SGTB: variants seen among roughly 807,000 people sequenced by gnomAD.
SGTB encodes small glutamine-rich tetratricopeptide repeat-containing protein beta.
A neutral mutation model predicts 43.9 loss-of-function variants in SGTB; 19 were observed. The ratio of observed to expected loss-of-function variants is 0.43; its 90% CI spans 0.30 to 0.63. SGTB has a LOEUF of 0.63. SGTB is among the 30% of genes least tolerant of loss of function. The pLI is 0.12. For synonymous variants in SGTB, 116 were observed against 117.3 expected, an observed-to-expected ratio of 0.99 and a Z score of 0.07; for missense variants, 304 against 358.9, an observed-to-expected ratio of 0.85 and a Z score of 1.24.
intron 3 of SGTB, among the ~76,000 whole-genome samples, chr5:65,712,543 A>G (rs770577078): frequency 6.6e-6 from 1 of 152,224 alleles, no homozygotes; most frequent in Non-Finnish European, 1.5e-5. Context: ...TGACGATTCA[A>G]TTCCAGAGGA....
chr5:65,695,431 T>C (rs1191336961), intron 5 of SGTB, among the ~76,000 whole-genome samples: 2 of 152,154 alleles, frequency 1.3e-5, no homozygotes, highest in Non-Finnish European at 2.9e-5. Context: ...CGTCTGAGCC[T>C]CAGAGGCCAG....
chr5:65,671,819 T>C, intron 10 of SGTB, 96 bp downstream of exon 10: 2 of 1,108,754 alleles, frequency 1.8e-6, no homozygotes, highest in Non-Finnish European at 2.6e-6. Flanking sequence ...CGGTAAAAGA[T>C]AAACATTTAA....
chr5:65,671,880 A>G (rs1266622070), intron 10 of SGTB, 35 bp downstream of exon 10: 1 of 1,584,830 alleles, frequency 6.3e-7, no homozygotes, highest in East Asian at 2.3e-5. Context: ...AACATAAAAT[A>G]CATCTTCACT....
rs1757036086 is a variant in SGTB, at chr5:65,666,286, CAT to C, written c.*3958_*3959del. The C allele has an allele frequency of 6.6e-6, 1 of 152,220 alleles. No homozygotes were observed. Among genetic ancestry groups the C allele is most frequent in the Middle Eastern group, 3.4e-3 (1 of 294 alleles). 9.4% of individuals were successfully genotyped at this position (152,220 alleles called of 1,614,324 possible). On this transcript the variant is annotated 3_prime_UTR_variant, in exon 11 of 11. Coordinates refer to ENST00000381007, the MANE Select transcript of SGTB (RefSeq NM_019072.3). ...TTCTGTTTATAAACAATAACTTACA[CAT>C]ATTTTTCATAGTTTTAAGTAAAGAT... is the stretch of plus-strand genomic sequence containing the variant.
chr5:65,708,773 G>A (rs1173289645), intron 3 of SGTB, among the ~76,000 whole-genome samples: 1 of 152,128 alleles, frequency 6.6e-6, no homozygotes, highest in African/African-American at 2.4e-5. Flanking sequence ...TGGGCGTGGT[G>A]GCTCATGCCT....
At chr5:65,710,995 C>CAAAA (rs982877268) in intron 3 of SGTB, among the ~76,000 whole-genome samples, 1 of 93,182 alleles carries the variant, frequency 1.1e-5, no homozygotes. Context: ...GACTCTGTCT[C>CAAAA]AAAAAAAAAA....
In SGTB at chr5:65,685,362, A is replaced by G. The variant is rs1579861899; in HGVS notation, c.479+6T>C. 6.2e-7 allele frequency: 1 copy of G among 1,613,618 alleles called. No individual in the cohort carries two copies. The highest frequency in any genetic ancestry group is 8.5e-7 in the Non-Finnish European group (1 of 1,179,578). On this transcript the variant is annotated splice_donor_region_variant and intron_variant, in intron 6 of 10. Coordinates refer to ENST00000381007, the MANE Select transcript of SGTB (RefSeq NM_019072.3). ...GTACTACTTGGAACATCCTCCCAGA[A>G]CTTACCCCATTCTCCCATAGGCCTT...
At position 65,674,995 on chromosome 5, in the gene SGTB, C is replaced by T. The variant is rs540834599; in HGVS notation, c.682-2714G>A. Among the ~76,000 whole-genome samples, 89 of 152,306 alleles carry T rather than the reference C, an allele frequency of 5.8e-4. 1 individual carries two copies. The South Asian group carries it at 0.018, about 32-fold the overall frequency. On this transcript the variant is annotated intron_variant, in intron 8 of 10. Transcript: ENST00000381007. Reference sequence around the variant, plus strand: ...AACAGAAGATTTAATGGATGCAAGACACATTTTTTGAAGGAAACAAAAGAT... The same window carrying T: ...AACAGAAGATTTAATGGATGCAAGATACATTTTTTGAAGGAAACAAAAGAT...
At chr5:65,721,854 G>T in intron 1 of SGTB, 63 bp downstream of exon 1, 1 of 152,446 alleles carries the variant, frequency 6.6e-6, no homozygotes, top group Non-Finnish European at 1.5e-5. Context: ...TGCAGCGGGT[G>T]CCGGTGCGGG....
At chr5:65,701,562 A>G (rs1258335328) in intron 5 of SGTB, among the ~76,000 whole-genome samples, 1 of 152,030 alleles carries the variant, frequency 6.6e-6, no homozygotes, top group Non-Finnish European at 1.5e-5. Flanking sequence ...TTTTTGTTCT[A>G]TATCTTTAAT....
At chr5:65,722,427 C>T, upstream of SGTB, 3 of 1,582,240 alleles carry the variant, frequency 1.9e-6, no homozygotes, top group Middle Eastern at 1.7e-4. Flanking sequence ...ACCTCCAGCG[C>T]GCGGGTTAAC....
chr5:65,720,626 T>A (rs1362799675), intron 2 of SGTB, 82 bp downstream of exon 2: 4 of 1,503,066 alleles, frequency 2.7e-6, no homozygotes, highest in Non-Finnish European at 3.6e-6. Flanking sequence ...TATGTTACAA[T>A]AGATCATCAA....
At chr5:65,707,543 T>G (rs1307214777) in intron 4 of SGTB, among the ~76,000 whole-genome samples, 3 of 151,684 alleles carry the variant, frequency 2.0e-5, no homozygotes, top group Non-Finnish European at 4.4e-5. Flanking sequence ...CAAGCAATTC[T>G]CCTGCCTCAT....
chr5:65,676,334 CAAAG>C (rs1352344138), intron 8 of SGTB, among the ~76,000 whole-genome samples: 3 of 151,552 alleles, frequency 2.0e-5, no homozygotes, highest in African/African-American at 7.3e-5. Context: ...AAAAAAAAGA[CAAAG>C]AAGGGCATTA....
chr5:65,701,605 A>C (rs1268530208), intron 5 of SGTB, among the ~76,000 whole-genome samples: 1 of 151,830 alleles, frequency 6.6e-6, no homozygotes, highest in African/African-American at 2.4e-5. Context: ...AGCAGCCATA[A>C]GCCATATGTG....
rs769681243 is a variant in SGTB, at chr5:65,671,970, C to T, written c.748G>A (p.Gly250Arg). The change falls in exon 10 of 11, where the codon GGG becomes AGG. Residue 250 changes from glycine (G) to arginine (R), a missense_variant. By Grantham distance (125) the Gly-to-Arg change is moderately radical (BLOSUM62 -2). Coordinates refer to ENST00000381007, the MANE Select transcript of SGTB (RefSeq NM_019072.3). ...CCCCCAACTCCAGCAGCAGGTCCCC[C>T]AATGGCATTTGTCATCATTCCTGAC... is the stretch of plus-strand genomic sequence containing the variant. ...LMSGMMTNAI[G>R]GPAAGVGGLT... 1.2e-6 allele frequency: 2 copies of T among 1,613,974 alleles called. No individual in the cohort carries two copies. Among genetic ancestry groups the T allele is most frequent in the African/African-American group, 1.3e-5 (1 of 75,014 alleles).
At chr5:65,714,809 T>G (rs1342799641) in intron 2 of SGTB, among the ~76,000 whole-genome samples, 1 of 152,162 alleles carries the variant, frequency 6.6e-6, no homozygotes, top group Non-Finnish European at 1.5e-5. Flanking sequence ...AGCGAGACTC[T>G]GTCTTCAAAA....
intron 4 of SGTB, among the ~76,000 whole-genome samples, chr5:65,704,716 T>TTA (rs1453638246): frequency 3.9e-5 from 6 of 152,190 alleles, no homozygotes; most frequent in Non-Finnish European, 5.9e-5. Context: ...CTCCTCCCTT[T>TTA]TAGAGCTGCC....
At position 65,682,600 on chromosome 5, in the gene SGTB, C is replaced by T. The variant is rs183722612; in HGVS notation, c.480-1806G>A. 1.8e-4 allele frequency among the ~76,000 whole-genome samples: 27 copies of T among 152,130 alleles called. No individual in the cohort carries two copies. The East Asian group carries it at 5.0e-3, about 28-fold the overall frequency. Reference sequence around the variant, plus strand: ...ACAGAGTATCAGTACTTATGTCAGGCGTAATAACAATGAAGGATGACTCTT... The same window carrying T: ...ACAGAGTATCAGTACTTATGTCAGGTGTAATAACAATGAAGGATGACTCTT... On this transcript the variant is annotated intron_variant, in intron 6 of 10. Transcript: ENST00000381007.
Sources: gnomAD v4.1 joint callset for allele counts (sites outside exome capture counted in the v4.1 genomes callset) on GRCh38, gnomAD v4.1.1 for gene constraint, MANE v1.5 for transcripts, NCBI Gene and HGNC (gene_info 2026-07-23, HGNC 2026-07-21) for gene names.